DLGAP2: variants seen among roughly 807,000 people sequenced by gnomAD.
DLGAP2 encodes disks large-associated protein 2.
DLGAP2 carries 26 observed loss-of-function variants against 100.3 expected under a neutral mutation model. The observed-to-expected ratio is 0.26, with a 90% confidence interval of 0.19 to 0.36. The LOEUF (loss-of-function observed/expected upper bound fraction) is 0.36. Among genes scored for constraint, DLGAP2 ranks in the 10% least tolerant of loss-of-function variants. The pLI is 1.00. For synonymous variants in DLGAP2, 886 were observed against 630.1 expected (o/e 1.41, Z -6.08); for missense variants, 1,858 against 1,453.2 (o/e 1.28, Z -4.53).
At chr8:1,127,854 C>G (rs147993317) in intron 2 of DLGAP2, among the ~76,000 whole-genome samples, 1 of 152,156 alleles carries the variant, frequency 6.6e-6, no homozygotes, top group Non-Finnish European at 1.5e-5. Context: ...ATTAGTCATT[C>G]GAGGCTTGGT....
chr8:1,214,646 C>T (rs1033820522), intron 2 of DLGAP2, among the ~76,000 whole-genome samples: 2 of 152,212 alleles, frequency 1.3e-5, no homozygotes, highest in African/African-American at 4.8e-5. Context: ...TGTCTGTTTT[C>T]AGTTAGGCTC....
chr8:1,049,882 G>T (rs1218103169), intron 2 of DLGAP2, among the ~76,000 whole-genome samples: 1 of 151,460 alleles, frequency 6.6e-6, no homozygotes, highest in Non-Finnish European at 1.5e-5. Context: ...TCACACACAA[G>T]TACATATGTG....
In DLGAP2 at chr8:1,433,093, G is replaced by A. The variant is rs143984861; in HGVS notation, c.107-68273G>A. Among the ~76,000 whole-genome samples the A allele has an allele frequency of 2.6e-5, 4 of 152,272 alleles. No individual in the cohort carries two copies. In the East Asian group the frequency reaches 5.8e-4, roughly 22 times the overall value. On this transcript the variant is annotated intron_variant, in intron 3 of 14. Coordinates refer to ENST00000637795, the MANE Select transcript of DLGAP2 (RefSeq NM_001346810.2). Reference sequence around the variant, plus strand: ...ACATAGGCTTTGGGACTCCCTTGCCGAGCCACACGTCCCCAGTGTGTGGGT... The same window carrying A: ...ACATAGGCTTTGGGACTCCCTTGCCAAGCCACACGTCCCCAGTGTGTGGGT...
intron 3 of DLGAP2, among the ~76,000 whole-genome samples, chr8:1,473,327 C>T (rs1289345436): frequency 6.6e-6 from 1 of 152,196 alleles, no homozygotes; most frequent in African/African-American, 2.4e-5. Context: ...GAAGGTTCCT[C>T]CGCCCAGCAG....
intron 1 of DLGAP2, among the ~76,000 whole-genome samples, chr8:780,397 C>T (rs1017359356): frequency 3.3e-5 from 5 of 152,222 alleles, no homozygotes; most frequent in East Asian, 1.9e-4. Context: ...TTGACAGACA[C>T]GTAGGTTGAT....
At chr8:1,484,775 T>C (rs1079551) in intron 3 of DLGAP2, among the ~76,000 whole-genome samples, 151,315 of 152,324 alleles carry the variant, frequency 0.99, 75,157 homozygotes, top group East Asian at 1. Context: ...ACAGAGGTGG[T>C]AGCAGAGCCT....
intron 2 of DLGAP2, among the ~76,000 whole-genome samples, chr8:1,059,834 T>G (rs371145242): frequency 6.6e-6 from 1 of 151,946 alleles, no homozygotes; most frequent in East Asian, 1.9e-4. Flanking sequence ...AGCCAGGCAG[T>G]GGGACCGACC....
At chr8:1,252,916 G>C (rs1428812434) in intron 2 of DLGAP2, among the ~76,000 whole-genome samples, 1 of 152,228 alleles carries the variant, frequency 6.6e-6, no homozygotes, top group Non-Finnish European at 1.5e-5. Flanking sequence ...GAGGGAGGCA[G>C]AGGAGGACAG....
intron 2 of DLGAP2, among the ~76,000 whole-genome samples, chr8:1,211,188 G>C (rs1047579084): frequency 6.6e-6 from 1 of 152,162 alleles, no homozygotes. Flanking sequence ...ACATTCTCAG[G>C]GGCCACCGAC....
chr8:1,680,856 T>C (rs192263182), intron 12 of DLGAP2: 1 of 152,218 alleles, frequency 6.6e-6, no homozygotes, highest in Non-Finnish European at 1.5e-5. Context: ...AAAAACTGCA[T>C]TGCCTAAGTT....
At chr8:1,327,774 G>A (rs1459981633) in intron 3 of DLGAP2, among the ~76,000 whole-genome samples, 3 of 152,162 alleles carry the variant, frequency 2.0e-5, no homozygotes, top group Non-Finnish European at 4.4e-5. Flanking sequence ...AACCCAGGAG[G>A]GGGAGCTTGC....
intron 5 of DLGAP2, among the ~76,000 whole-genome samples, chr8:1,559,151 T>C (rs1350247843): frequency 1.3e-5 from 2 of 152,232 alleles, no homozygotes; most frequent in Non-Finnish European, 2.9e-5. Context: ...TTAGAAATTA[T>C]GAACATCACC....
chr8:1,348,754 T>C (rs1801632993), intron 3 of DLGAP2, among the ~76,000 whole-genome samples: 1 of 152,204 alleles, frequency 6.6e-6, no homozygotes, highest in Non-Finnish European at 1.5e-5. Flanking sequence ...CTTACACTCA[T>C]GATGGCTTTG....
Position 1,000,246 on chromosome 8 carries a change from C to G in DLGAP2, c.73+92280C>G, listed in dbSNP as rs187335446. On this transcript the variant is annotated intron_variant, in intron 2 of 14. Coordinates refer to ENST00000637795, the MANE Select transcript of DLGAP2 (RefSeq NM_001346810.2). The stretch of plus-strand genomic sequence containing the variant: ...GACAGATCCAGGTGGGGGTGGTTTT[C>G]TTTTGCACTGGATTTTCTCTAGAGC... Among the ~76,000 whole-genome samples, 995 of 150,166 alleles carry G rather than the reference C, an allele frequency of 6.6e-3. 17 individuals carry two copies. Among genetic ancestry groups the G allele is most frequent in the African/African-American group, 0.023 (947 of 40,740 alleles).
At chr8:1,666,330 C>G (rs984581503) in intron 8 of DLGAP2, among the ~76,000 whole-genome samples, 10 of 152,232 alleles carry the variant, frequency 6.6e-5, no homozygotes, top group Non-Finnish European at 1.0e-4. Flanking sequence ...CATCCTTCCT[C>G]AGTTTTCTAG....
intron 3 of DLGAP2, among the ~76,000 whole-genome samples, chr8:1,421,284 C>T (rs1029013267): frequency 1.3e-5 from 2 of 152,132 alleles, no homozygotes; most frequent in Non-Finnish European, 2.9e-5. Flanking sequence ...TTTGATTTTT[C>T]TATCCAGTGC....
At chr8:1,308,436 T>C (rs1022954217) in intron 3 of DLGAP2, among the ~76,000 whole-genome samples, 3 of 152,142 alleles carry the variant, frequency 2.0e-5, no homozygotes, top group Admixed American at 6.5e-5. Context: ...CCTTCTAATA[T>C]CCAAGTGTCC....
At chr8:784,605 T>C (rs1821787728) in intron 1 of DLGAP2, among the ~76,000 whole-genome samples, 1 of 152,244 alleles carries the variant, frequency 6.6e-6, no homozygotes, top group Non-Finnish European at 1.5e-5. Context: ...AAAAGGGTGA[T>C]ATAACAGTTT....
intron 1 of DLGAP2, among the ~76,000 whole-genome samples, chr8:840,892 G>A (rs964519344): frequency 3.9e-5 from 6 of 152,228 alleles, no homozygotes; most frequent in Non-Finnish European, 7.3e-5. Context: ...TCCAGAGACT[G>A]GATCCCCTTG....
Sources: gnomAD v4.1 joint callset for allele counts (sites outside exome capture counted in the v4.1 genomes callset) on GRCh38, gnomAD v4.1.1 for gene constraint, MANE v1.5 for transcripts, NCBI Gene and HGNC (gene_info 2026-07-23, HGNC 2026-07-21) for gene names.